Variants in CHST3 observed in about 807,000 individuals in gnomAD.
CHST3 encodes the protein carbohydrate sulfotransferase 3, also known as C6ST-1.
A neutral mutation model predicts 35.4 loss-of-function variants in CHST3; 20 were observed. That is an observed-to-expected ratio of 0.57 (90% confidence interval 0.40 to 0.82). The LOEUF (loss-of-function observed/expected upper bound fraction) is 0.82, where lower values mean the gene tolerates loss of function less well. CHST3 is among the 40% of genes least tolerant of loss of function. The pLI, the probability that CHST3 is intolerant of heterozygous loss-of-function variation, is 0.00. For synonymous variants in CHST3, 334 were observed against 295.9 expected (o/e 1.13, Z -1.32); for missense variants, 693 against 670.1 (o/e 1.03, Z -0.38).
chr10:71,968,875 G>C (rs779253215), intron 1 of CHST3, among the ~76,000 whole-genome samples: 2 of 152,150 alleles, frequency 1.3e-5, no homozygotes, highest in Non-Finnish European at 2.9e-5. Context: ...TATCTGAGAA[G>C]TTGGGACAAA....
At position 72,007,406 on chromosome 10, in the gene CHST3, A is replaced by G. The variant is rs1243942205; in HGVS notation, c.375A>G (p.Arg125=). 6.2e-7 allele frequency: 1 copy of G among 1,605,800 alleles called. No homozygotes were observed. Among genetic ancestry groups the G allele is most frequent in the Non-Finnish European group, 8.5e-7 (1 of 1,178,546 alleles). The part of the protein sequence containing the change: ...EEQRKEEEPP[R]PAVAGPRRHV... ...AGAGAAAGGAGGAGGAGCCGCCCAG[A>G]CCGGCCGTGGCGGGGCCCCGGCGCC... is the stretch of plus-strand genomic sequence containing the variant. The change falls in exon 3 of 3, where the codon AGA becomes AGG. Residue 125 remains arginine, a synonymous_variant. Transcript: ENST00000373115.
chr10:71,989,150 A>C (rs1839875074), intron 1 of CHST3, among the ~76,000 whole-genome samples: 1 of 152,172 alleles, frequency 6.6e-6, no homozygotes, highest in Non-Finnish European at 1.5e-5. Flanking sequence ...CGACAGAGCA[A>C]GGCTCTGTCT....
At chr10:71,977,570 C>T (rs894498602) in intron 1 of CHST3, among the ~76,000 whole-genome samples, 2 of 151,960 alleles carry the variant, frequency 1.3e-5, no homozygotes, top group African/African-American at 4.8e-5. Context: ...CCACCTCAGC[C>T]TCCCAAGTAG....
At chr10:71,978,289 C>G (rs963295440) in intron 1 of CHST3, among the ~76,000 whole-genome samples, 1 of 151,924 alleles carries the variant, frequency 6.6e-6, no homozygotes, top group African/African-American at 2.4e-5. Flanking sequence ...TCTCTTGAAC[C>G]AGGGAGACGG....
intron 1 of CHST3, among the ~76,000 whole-genome samples, chr10:71,973,116 G>T (rs532102351): frequency 1.3e-5 from 2 of 152,224 alleles, no homozygotes; most frequent in Non-Finnish European, 2.9e-5. Flanking sequence ...GTGAGGGAGC[G>T]CTTCGAGTCT....
chr10:71,993,303 T>C (rs1839914247), intron 1 of CHST3, among the ~76,000 whole-genome samples: 1 of 152,222 alleles, frequency 6.6e-6, no homozygotes. Context: ...ACTCATTCAT[T>C]CAAGTTTTAT....
chr10:72,013,261 A>G lies in CHST3; in HGVS notation c.*4790A>G, dbSNP rs1259243789. On this transcript the variant is annotated 3_prime_UTR_variant, in exon 3 of 3. Coordinates refer to ENST00000373115, the MANE Select transcript of CHST3 (RefSeq NM_004273.5). ...GGTACGAGACACCCCTTCACGGCAT[A>G]CACTGCCATGGTATGTACATATGCA... 3 of 152,300 alleles carry G rather than the reference A, an allele frequency of 2.0e-5. No homozygotes were observed. The East Asian group carries it at 5.8e-4, about 29-fold the overall frequency. The allele number at this position is 152,300 out of a possible 1,614,324, so 9.4% of individuals were successfully genotyped here.
chr10:71,981,333 G>A (rs1839799483), intron 1 of CHST3, among the ~76,000 whole-genome samples: 1 of 152,226 alleles, frequency 6.6e-6, no homozygotes, highest in African/African-American at 2.4e-5. Context: ...CCACCCCTAA[G>A]CCTCCTCCTC....
intron 1 of CHST3, among the ~76,000 whole-genome samples, chr10:71,981,116 C>T (rs778889124): frequency 3.9e-5 from 6 of 152,206 alleles, no homozygotes; most frequent in Admixed American, 1.3e-4. Flanking sequence ...GTAGGTCAAG[C>T]GTGACTGCCC....
chr10:71,989,172 A>G (rs898217408), intron 1 of CHST3, among the ~76,000 whole-genome samples: 35 of 152,308 alleles, frequency 2.3e-4, no homozygotes, highest in Admixed American at 2.1e-3. Context: ...ACAGAAAGAA[A>G]GAAAGAAAAA....
At chr10:72,004,477 G>A (rs530329833) in intron 1 of CHST3, among the ~76,000 whole-genome samples, 1 of 152,126 alleles carries the variant, frequency 6.6e-6, no homozygotes, top group South Asian at 2.1e-4. Flanking sequence ...GCCATGTTAA[G>A]GATTTAGGTA....
intron 1 of CHST3, among the ~76,000 whole-genome samples, chr10:71,968,806 T>C (rs1839657187): frequency 6.6e-6 from 1 of 151,924 alleles, no homozygotes; most frequent in Non-Finnish European, 1.5e-5. Flanking sequence ...ACTGTGGAGA[T>C]TTTGGGGGGG....
chr10:71,991,961 A>G (rs182463257), intron 1 of CHST3, among the ~76,000 whole-genome samples: 152 of 152,074 alleles, frequency 1.0e-3, no homozygotes, highest in Admixed American at 1.4e-3. Context: ...CTTTTATACT[A>G]TACTGTAGTC....
chr10:72,005,126 AAAAC>A (rs1231122848), intron 1 of CHST3, among the ~76,000 whole-genome samples: 15 of 152,346 alleles, frequency 9.8e-5, no homozygotes, highest in Admixed American at 5.2e-4. Context: ...CCCTGTCTCA[AAAAC>A]AAACAAACAA....
intron 1 of CHST3, among the ~76,000 whole-genome samples, chr10:71,972,093 C>T (rs557238350): frequency 1.6e-4 from 25 of 152,268 alleles, no homozygotes; most frequent in Admixed American, 4.6e-4. Flanking sequence ...AAGGCGTCCT[C>T]ACCGAGTTCT....
chr10:72,004,746 G>A (rs992829997), intron 1 of CHST3, among the ~76,000 whole-genome samples: 20 of 152,146 alleles, frequency 1.3e-4, no homozygotes, highest in African/African-American at 3.4e-4. Flanking sequence ...TTGCTACATC[G>A]GAGTCTCTCC....
intron 1 of CHST3, among the ~76,000 whole-genome samples, chr10:71,987,387 G>A (rs904963397): frequency 3.9e-5 from 6 of 152,124 alleles, no homozygotes; most frequent in Non-Finnish European, 7.4e-5. Flanking sequence ...GTTTGAGGAA[G>A]CTCCAGAGGA....
rs1839614365 is a variant in CHST3 at position 71,964,929 on chromosome 10, C to G, written c.-108+235C>G. Among the ~76,000 whole-genome samples, 3 of 152,382 alleles carry G rather than the reference C, an allele frequency of 2.0e-5. No homozygotes were observed. The South Asian group carries it at 6.2e-4, about 32-fold the overall frequency. ...CACACAGCTCATCGCCACTCATACC[C>G]CGCACACGGCGCAGGCTGATCTGCG... On this transcript the variant is annotated intron_variant, in intron 1 of 2. Transcript: ENST00000373115.
In CHST3 at chr10:71,996,427, C is replaced by G. The variant is rs546916747; in HGVS notation, c.-107-9309C>G. On this transcript the variant is annotated intron_variant, in intron 1 of 2. Coordinates refer to ENST00000373115, the MANE Select transcript of CHST3 (RefSeq NM_004273.5). ...TCCCTCTCTCTGTCTCTCTACCAACCCCCCCCCAACGTATGTGTCTCTGCG... is the reference window on the plus strand; with the variant it reads ...TCCCTCTCTCTGTCTCTCTACCAACGCCCCCCCAACGTATGTGTCTCTGCG... 2.1e-4 allele frequency among the ~76,000 whole-genome samples: 24 copies of G among 116,848 alleles called. No individual in the cohort carries two copies. In the South Asian group the frequency reaches 5.8e-3, roughly 28 times the overall value. 76.7% of individuals were successfully genotyped at this position (116,848 alleles called of 152,430 possible).
Sources: allele counts gnomAD v4.1 joint callset (sites outside exome capture counted in the v4.1 genomes callset), GRCh38; gene constraint gnomAD v4.1.1; transcripts MANE v1.5; gene names NCBI Gene and HGNC (gene_info 2026-07-23, HGNC 2026-07-21).